The following KCNIP4 variants were observed in gnomAD, a reference collection of about 807,000 sequenced individuals.
The protein encoded by KCNIP4 is Kv channel-interacting protein 4.
A neutral mutation model predicts 34.0 loss-of-function variants in KCNIP4; 12 were observed. The ratio of observed to expected loss-of-function variants is 0.35; its 90% CI spans 0.23 to 0.57. The LOEUF (loss-of-function observed/expected upper bound fraction) is 0.57. KCNIP4 is among the 20% of genes least tolerant of loss of function. KCNIP4 has a pLI of 0.83. For missense variants in KCNIP4, 238 were observed against 311.7 expected (o/e 0.76, Z 1.78); for synonymous variants, 124 against 102.2 (o/e 1.21, Z -1.29).
intron 1 of KCNIP4, among the ~76,000 whole-genome samples, chr4:20,997,703 T>A (rs1737689924): frequency 6.6e-6 from 1 of 152,098 alleles, no homozygotes; most frequent in Non-Finnish European, 1.5e-5. Context: ...AGTCTTCAAG[T>A]TTCAAACATC....
At chr4:21,278,437 G>A (rs1762571121) in intron 1 of KCNIP4, among the ~76,000 whole-genome samples, 2 of 152,082 alleles carry the variant, frequency 1.3e-5, no homozygotes. Context: ...CTATTTATAA[G>A]TGAGAACATG....
chr4:21,095,009 A>G (rs781248171), intron 1 of KCNIP4, among the ~76,000 whole-genome samples: 2 of 152,218 alleles, frequency 1.3e-5, no homozygotes, highest in Non-Finnish European at 2.9e-5. Context: ...AATTGTATGA[A>G]ACATAACAAC....
intron 1 of KCNIP4, among the ~76,000 whole-genome samples, chr4:21,873,457 A>C (rs1464831551): frequency 6.6e-6 from 1 of 152,210 alleles, no homozygotes; most frequent in Non-Finnish European, 1.5e-5. Flanking sequence ...TTATCAGTCC[A>C]TCAGAATTAA....
intron 1 of KCNIP4, among the ~76,000 whole-genome samples, chr4:21,648,027 C>A (rs1340875213): frequency 6.6e-6 from 1 of 151,740 alleles, no homozygotes; most frequent in Admixed American, 6.6e-5. Context: ...ACGCTCGCCA[C>A]CACGCCCAGC....
intron 1 of KCNIP4, among the ~76,000 whole-genome samples, chr4:20,916,985 T>TTA (rs1157104290): frequency 2.4e-4 from 10 of 41,378 alleles, no homozygotes; most frequent in Non-Finnish European, 3.0e-4. Flanking sequence ...CATCTTATGT[T>TTA]TATATATATA....
At chr4:21,531,201 T>G (rs1159347944) in intron 1 of KCNIP4, among the ~76,000 whole-genome samples, 1 of 152,150 alleles carries the variant, frequency 6.6e-6, no homozygotes, top group Non-Finnish European at 1.5e-5. Context: ...AAAACCAACC[T>G]GCTTATCTTG....
intron 1 of KCNIP4, among the ~76,000 whole-genome samples, chr4:21,404,576 A>G (rs553641460): frequency 4.1e-4 from 63 of 152,300 alleles, no homozygotes; most frequent in Admixed American, 1.6e-3. Context: ...TCATATTTTT[A>G]TAAACATGTA....
At chr4:21,274,789 C>T (rs1762341322) in intron 1 of KCNIP4, among the ~76,000 whole-genome samples, 1 of 152,156 alleles carries the variant, frequency 6.6e-6, no homozygotes, top group Non-Finnish European at 1.5e-5. Context: ...GTTTACTCAG[C>T]TGTTTCTATA....
At chr4:20,773,474 G>A (rs539565194) in intron 3 of KCNIP4, among the ~76,000 whole-genome samples, 19 of 152,242 alleles carry the variant, frequency 1.2e-4, no homozygotes, top group African/African-American at 4.3e-4. Context: ...GAAACTCCCG[G>A]GCCTGTTGAC....
At chr4:21,139,482 A>G (rs1751767187) in intron 1 of KCNIP4, among the ~76,000 whole-genome samples, 1 of 152,204 alleles carries the variant, frequency 6.6e-6, no homozygotes, top group African/African-American at 2.4e-5. Context: ...GACTTTGCCC[A>G]GTTTGCTCAG....
intron 1 of KCNIP4, among the ~76,000 whole-genome samples, chr4:21,660,549 G>T (rs1748362376): frequency 6.6e-6 from 1 of 152,154 alleles, no homozygotes; most frequent in Non-Finnish European, 1.5e-5. Flanking sequence ...AAAGACAAGA[G>T]TAAGTGCAGC....
At chr4:20,821,619 G>T (rs3935491) in intron 3 of KCNIP4, among the ~76,000 whole-genome samples, 102,799 of 151,848 alleles carry the variant, frequency 0.68, 35,372 homozygotes, top group Middle Eastern at 0.78. Flanking sequence ...TGTAGCCTTT[G>T]ATCTCTCACC....
intron 1 of KCNIP4, among the ~76,000 whole-genome samples, chr4:21,099,596 A>G (rs759326342): frequency 5.9e-5 from 9 of 152,174 alleles, no homozygotes; most frequent in Non-Finnish European, 1.2e-4. Context: ...CATATCCCGC[A>G]CATATACCAT....
chr4:21,945,118 AAAAT>A (rs1320077220), intron 1 of KCNIP4, among the ~76,000 whole-genome samples: 1 of 152,244 alleles, frequency 6.6e-6, no homozygotes, highest in Non-Finnish European at 1.5e-5. Flanking sequence ...GAGAACACGA[AAAAT>A]AAATAAAAGG....
chr4:21,307,635 A>C (rs1216803812), intron 1 of KCNIP4, among the ~76,000 whole-genome samples: 1 of 152,202 alleles, frequency 6.6e-6, no homozygotes, highest in African/African-American at 2.4e-5. Context: ...GTGGTTGTTG[A>C]ATGAATAATC....
intron 3 of KCNIP4, among the ~76,000 whole-genome samples, chr4:20,823,420 AGT>A (rs1717352316): frequency 6.6e-6 from 1 of 152,080 alleles, no homozygotes; most frequent in Non-Finnish European, 1.5e-5. Context: ...GGAGTGAATG[AGT>A]GTGTGTGTCC....
intron 1 of KCNIP4, among the ~76,000 whole-genome samples, chr4:21,123,679 A>C (rs1306938066): frequency 2.0e-5 from 3 of 152,216 alleles, no homozygotes. Flanking sequence ...CACACGTTGA[A>C]GCCCTAACCC....
intron 1 of KCNIP4, chr4:21,850,696 GT>G (rs1028051308): frequency 2.0e-5 from 3 of 151,690 alleles, no homozygotes; most frequent in African/African-American, 7.3e-5. Context: ...TTTTTTTTCA[GT>G]TTTAAACTTT....
chr4:21,334,693 C>T (rs1715995258), intron 1 of KCNIP4, among the ~76,000 whole-genome samples: 1 of 152,016 alleles, frequency 6.6e-6, no homozygotes, highest in Non-Finnish European at 1.5e-5. Context: ...CCACCCCAGG[C>T]AAACACTAGT....
Sources: allele counts gnomAD v4.1 joint callset (sites outside exome capture counted in the v4.1 genomes callset), GRCh38; gene constraint gnomAD v4.1.1; transcripts MANE v1.5; gene names NCBI Gene and HGNC (gene_info 2026-07-23, HGNC 2026-07-21).